The following PLBD1 variants were observed in gnomAD, a reference collection of about 807,000 sequenced individuals.
PLBD1 encodes phospholipase B domain containing 1, also known as lysosomal leucine aminopeptidase.
Under a neutral mutation model 63.0 loss-of-function variants are expected in PLBD1, and 60 were observed. The observed-to-expected ratio is 0.95, with a 90% CI of 0.77 to 1.18. The LOEUF (loss-of-function observed/expected upper bound fraction) is 1.18. PLBD1 is among the 50% of genes most tolerant of loss of function. The pLI is 0.00. For synonymous variants in PLBD1, 262 were observed against 248.0 expected (o/e 1.06, Z -0.53); for missense variants, 598 against 677.9 (o/e 0.88, Z 1.31).
intron 1 of PLBD1, among the ~76,000 whole-genome samples, chr12:14,559,891 G>A (rs985920830): frequency 8.3e-5 from 12 of 145,280 alleles, no homozygotes; most frequent in African/African-American, 2.3e-4. Context: ...CAGAGTTTTC[G>A]CTCTTATTGC....
chr12:14,551,538 A>G (rs1400159165), intron 2 of PLBD1, among the ~76,000 whole-genome samples: 4 of 152,164 alleles, frequency 2.6e-5, no homozygotes, highest in Non-Finnish European at 5.9e-5. Flanking sequence ...GGCTGCTATG[A>G]GATGTTAAAG....
intron 2 of PLBD1, among the ~76,000 whole-genome samples, chr12:14,542,631 A>C (rs780350117): frequency 6.6e-5 from 10 of 152,226 alleles, no homozygotes; most frequent in Non-Finnish European, 1.5e-4. Context: ...CCTTCTCCCA[A>C]GAGGTAATAA....
chr12:14,534,494 C>T (rs1379724197), intron 6 of PLBD1, among the ~76,000 whole-genome samples: 1 of 151,272 alleles, frequency 6.6e-6, no homozygotes, highest in African/African-American at 2.4e-5. Flanking sequence ...TGCCTCCTTT[C>T]TGTGGGTCAT....
intron 2 of PLBD1, among the ~76,000 whole-genome samples, chr12:14,549,974 C>CA (rs1189156621): frequency 6.6e-6 from 1 of 152,042 alleles, no homozygotes; most frequent in Admixed American, 6.6e-5. Flanking sequence ...AGCCACTCCT[C>CA]ACTCCTTGTA....
At chr12:14,550,711 T>G (rs1945651179) in intron 2 of PLBD1, among the ~76,000 whole-genome samples, 1 of 151,728 alleles carries the variant, frequency 6.6e-6, no homozygotes, top group Non-Finnish European at 1.5e-5. Context: ...AAACCCCGTC[T>G]CTACTAAAAA....
In PLBD1 at chr12:14,567,851, C is replaced by T. The variant is rs984562699; in HGVS notation, c.-155G>A. 3.6e-6 allele frequency: 4 copies of T among 1,111,682 alleles called. No homozygotes were observed. Among genetic ancestry groups the T allele is most frequent in the East Asian group, 6.5e-5 (2 of 30,622 alleles). 68.9% of individuals were successfully genotyped at this position (1,111,682 alleles called of 1,614,324 possible). On this transcript the variant is annotated 5_prime_UTR_variant, in exon 1 of 11. Coordinates refer to ENST00000240617, the MANE Select transcript of PLBD1 (RefSeq NM_024829.6). ...CCTCTTTCTTGAGCCCGGCCTGCTC[C>T]GGGCTCTGAGGGGCGAGGACGCTTC...
At position 14,511,649 on chromosome 12, in the gene PLBD1, T is replaced by C. The variant is rs1314795225; in HGVS notation, c.907A>G (p.Thr303Ala). 5.6e-6 allele frequency: 9 copies of C among 1,614,104 alleles called. No homozygotes were observed. Among genetic ancestry groups the C allele is most frequent in the Non-Finnish European group, 5.9e-6 (7 of 1,180,044 alleles). The change falls in exon 7 of 11, where the codon ACA becomes GCA. Residue 303 changes from threonine to alanine, a missense_variant. Coordinates refer to ENST00000240617, the MANE Select transcript of PLBD1 (RefSeq NM_024829.6). ...LSSGLILLQT[T>A]NSVFNKTLLK... ...AGGGTTTTATTAAACACACTGTTTG[T>C]GGTCTGCAGCAATATCAATCCACTG...
chr12:14,555,126 T>C (rs2136932340), intron 1 of PLBD1, among the ~76,000 whole-genome samples: 1 of 152,336 alleles, frequency 6.6e-6, no homozygotes, highest in Non-Finnish European at 1.5e-5. Flanking sequence ...GAAGAGGACT[T>C]TTTCAAGGTT....
At chr12:14,561,245 G>A (rs1945740490) in intron 1 of PLBD1, among the ~76,000 whole-genome samples, 1 of 151,520 alleles carries the variant, frequency 6.6e-6, no homozygotes, top group African/African-American at 2.4e-5. Flanking sequence ...AAATGCCGGA[G>A]ATTTGCTTAG....
Position 14,506,206 on chromosome 12 carries a change from G to A in PLBD1, c.1435C>T (p.Leu479=). 1 of 1,613,116 alleles carries A rather than the reference G, an allele frequency of 6.2e-7. No individual in the cohort carries two copies. Among genetic ancestry groups the A allele is most frequent in the Non-Finnish European group, 8.5e-7 (1 of 1,179,412 alleles). Residue 479 remains leucine (L), a synonymous_variant, in exon 10 of 11, where the codon CTG becomes TTG. Coordinates refer to ENST00000240617, the MANE Select transcript of PLBD1 (RefSeq NM_024829.6). ...CCAGGACTTGGGTTAGGTGAGTTCA[G>A]GTCCTCACGGCAGCAGATGGTATTA... The part of the protein sequence containing the change: ...PCNTICCRED[L]NSPNPSPGGC...
rs1351129689 is a variant in PLBD1, at chr12:14,506,254, G to A, written c.1387C>T (p.Pro463Ser). ...TTACAGGGGTCACCTCTACTGTAAGGATCCTTCTTATAATCTAGGAAACAG... is the reference window on the plus strand; with the variant it reads ...TTACAGGGGTCACCTCTACTGTAAGAATCCTTCTTATAATCTAGGAAACAG... ...IMRYNNYKKD[P>S]YSRGDPCNTI... Residue 463 changes from proline to serine, a missense_variant, in exon 10 of 11, where the codon CCT becomes TCT. Pro to Ser is a moderately conservative substitution (Grantham distance 74, BLOSUM62 -1). Transcript: ENST00000240617. 2.5e-6 allele frequency: 4 copies of A among 1,608,342 alleles called. No homozygotes were observed. The highest frequency in any genetic ancestry group is 3.4e-6 in the Non-Finnish European group (4 of 1,175,794).
chr12:14,546,871 TTTC>T (rs1446911524), intron 2 of PLBD1, among the ~76,000 whole-genome samples: 1 of 152,020 alleles, frequency 6.6e-6, no homozygotes, highest in Non-Finnish European at 1.5e-5. Context: ...TTTCTTCTGG[TTTC>T]TTTTTTTTCT....
intron 7 of PLBD1, 47 bp from the exon 8 acceptor site, chr12:14,511,447 T>G (rs1352011254): frequency 2.2e-5 from 36 of 1,613,642 alleles, no homozygotes; most frequent in Non-Finnish European, 3.1e-5. Context: ...ATGACTTTAC[T>G]GGTTAACAAG....
intron 1 of PLBD1, among the ~76,000 whole-genome samples, chr12:14,563,182 T>G (rs1023367188): frequency 6.6e-6 from 1 of 152,168 alleles, no homozygotes; most frequent in Non-Finnish European, 1.5e-5. Context: ...ATTTATCTTG[T>G]GTACATTATG....
chr12:14,531,371 C>G (rs982027080), intron 6 of PLBD1, among the ~76,000 whole-genome samples: 1 of 152,112 alleles, frequency 6.6e-6, no homozygotes, highest in Non-Finnish European at 1.5e-5. Context: ...TCTGCAGTTC[C>G]CTAACACCAT....
rs151262832 is a variant in PLBD1, at chr12:14,557,414, G to C, written c.116-4002C>G. Among the ~76,000 whole-genome samples the C allele has an allele frequency of 7.4e-3, 1,129 of 152,090 alleles. 24 individuals carry two copies. The highest frequency in any genetic ancestry group is 0.026 in the African/African-American group (1,088 of 41,482). ...AGCAAAGACATGGAATTAACCTAAA[G>C]GCCCATCAGTGGTAGACTGGATAAA... On this transcript the variant is annotated intron_variant, in intron 1 of 10. Transcript: ENST00000240617.
chr12:14,557,382 T>A (rs941543756), intron 1 of PLBD1, among the ~76,000 whole-genome samples: 1 of 152,078 alleles, frequency 6.6e-6, no homozygotes, highest in African/African-American at 2.4e-5. Flanking sequence ...GCAGCACTAC[T>A]CACAATAGCA....
At chr12:14,546,973 G>A (rs376287648) in intron 2 of PLBD1, among the ~76,000 whole-genome samples, 6 of 151,672 alleles carry the variant, frequency 4.0e-5, no homozygotes, top group East Asian at 1.9e-4. Flanking sequence ...TTTTGCCACC[G>A]AGGTTCAAGC....
At chr12:14,505,303 C>G (rs1203317442) in intron 10 of PLBD1, among the ~76,000 whole-genome samples, 1 of 152,070 alleles carries the variant, frequency 6.6e-6, no homozygotes, top group Non-Finnish European at 1.5e-5. Flanking sequence ...AGACAGAATA[C>G]ACACTTTACC....
Sources: gnomAD v4.1 joint callset for allele counts (sites outside exome capture counted in the v4.1 genomes callset) on GRCh38, gnomAD v4.1.1 for gene constraint, MANE v1.5 for transcripts, NCBI Gene and HGNC (gene_info 2026-07-23, HGNC 2026-07-21) for gene names.